RNF216: variants seen among roughly 807,000 people sequenced by gnomAD.
RNF216 encodes E3 ubiquitin-protein ligase RNF216.
In RNF216, 72 loss-of-function variants were observed where a neutral mutation model predicts 110.8. That is an observed-to-expected ratio of 0.65 (90% confidence interval 0.54 to 0.79). RNF216 has a LOEUF of 0.79. Among genes scored for constraint, RNF216 ranks in the 30% least tolerant of loss-of-function variants. RNF216 has a pLI of 0.00. For synonymous variants in RNF216, 495 were observed against 407.5 expected (o/e 1.21, Z -2.59); for missense variants, 1,342 against 1,141.2 (o/e 1.18, Z -2.54).
At chr7:5,743,850 A>G (rs527908765) in intron 3 of RNF216, among the ~76,000 whole-genome samples, 1 of 152,302 alleles carries the variant, frequency 6.6e-6, no homozygotes, top group East Asian at 1.9e-4. Flanking sequence ...CCAGGAACTG[A>G]ATCGCAGCGT....
At chr7:5,769,670 G>A (rs1796391382) in intron 1 of RNF216, among the ~76,000 whole-genome samples, 1 of 151,896 alleles carries the variant, frequency 6.6e-6, no homozygotes, top group African/African-American at 2.4e-5. Flanking sequence ...GTTGCAGTAA[G>A]CTAAGATCAC....
intron 13 of RNF216, among the ~76,000 whole-genome samples, chr7:5,693,747 C>T (rs1395695460): frequency 6.6e-6 from 1 of 152,112 alleles, no homozygotes; most frequent in Non-Finnish European, 1.5e-5. Context: ...CTGCCTGAAG[C>T]ATACTGTGAC....
In RNF216 at chr7:5,721,315, T is replaced by C. The variant is rs1793412491; in HGVS notation, c.1505-143A>G. 1.7e-5 allele frequency: 12 copies of C among 726,916 alleles called. No homozygotes were observed. The South Asian group carries it at 2.4e-4, about 14-fold the overall frequency. 45.0% of individuals were successfully genotyped at this position (726,916 alleles called of 1,614,324 possible). A position where few individuals can be genotyped will look rare whatever the true frequency, so the allele number is the denominator to read the frequency against. On this transcript the variant is annotated intron_variant, in intron 8 of 16. Coordinates refer to ENST00000389902, the MANE Select transcript of RNF216 (RefSeq NM_207111.4). The stretch of plus-strand genomic sequence containing the variant: ...GACTTTTCTATCACATTCTACCATT[T>C]GGGAAGACTGGGCTTCTTACCATTA...
At chr7:5,668,785 G>A (rs547653476) in intron 13 of RNF216, among the ~76,000 whole-genome samples, 47 of 152,226 alleles carry the variant, frequency 3.1e-4, no homozygotes, top group Non-Finnish European at 5.4e-4. Context: ...CCCTTCCAGG[G>A]CTTCATGCCC....
chr7:5,687,766 G>C (rs1439439209), intron 13 of RNF216, among the ~76,000 whole-genome samples: 1 of 152,188 alleles, frequency 6.6e-6, no homozygotes, highest in Admixed American at 6.5e-5. Flanking sequence ...GAATCCACTA[G>C]CATTTCCAAG....
intron 1 of RNF216, among the ~76,000 whole-genome samples, 152 bp downstream of exon 1, chr7:5,781,389 C>G (rs1797081982): frequency 6.6e-6 from 1 of 151,892 alleles, no homozygotes; most frequent in Admixed American, 6.6e-5. Flanking sequence ...CGATCCCGCC[C>G]GGGCCTCGGC....
intron 13 of RNF216, among the ~76,000 whole-genome samples, chr7:5,704,042 A>G (rs1415761277): frequency 6.6e-6 from 1 of 152,200 alleles, no homozygotes; most frequent in Admixed American, 6.5e-5. Flanking sequence ...AAACAAACTA[A>G]TGAATTCTTT....
chr7:5,729,098 G>T (rs530430658), intron 7 of RNF216, among the ~76,000 whole-genome samples: 2 of 152,194 alleles, frequency 1.3e-5, no homozygotes, highest in Non-Finnish European at 2.9e-5. Context: ...CCACCTGGGG[G>T]ATGGATGGTC....
chr7:5,679,654 A>G (rs567918073), intron 13 of RNF216, among the ~76,000 whole-genome samples: 2 of 152,234 alleles, frequency 1.3e-5, no homozygotes, highest in Non-Finnish European at 2.9e-5. Context: ...AAACCACTGA[A>G]ATCGAGAGAA....
At chr7:5,700,115 GGT>G (rs1554254348) in intron 13 of RNF216, among the ~76,000 whole-genome samples, 1 of 152,140 alleles carries the variant, frequency 6.6e-6, no homozygotes, top group Non-Finnish European at 1.5e-5. Flanking sequence ...GGGGACAGGG[GGT>G]GTTTTCATGC....
chr7:5,692,488 C>T (rs1304271927), intron 13 of RNF216, among the ~76,000 whole-genome samples: 1 of 152,274 alleles, frequency 6.6e-6, no homozygotes, highest in South Asian at 2.1e-4. Flanking sequence ...TACTAATTCC[C>T]GCGGGGCCCT....
rs973001636 is a variant in RNF216 at position 5,641,244 on chromosome 7, A to G, written c.2292T>C (p.Ile764=). ...AQMCYLCRVS[I]NGYDHFCQHP... ...GTTGGCAGAAATGGTCATATCCATT[A>G]ATAGAAACTCGACAGAGGTAGCACA... Residue 764 remains isoleucine (I), a synonymous_variant, in exon 15 of 17, where the codon ATT becomes ATC. Coordinates refer to ENST00000389902, the MANE Select transcript of RNF216 (RefSeq NM_207111.4). 1.1e-5 allele frequency: 18 copies of G among 1,614,206 alleles called. No homozygotes were observed. Among genetic ancestry groups the G allele is most frequent in the Non-Finnish European group, 1.5e-5 (18 of 1,180,044 alleles).
chr7:5,685,342 C>T (rs1584448655), intron 13 of RNF216, among the ~76,000 whole-genome samples: 1 of 152,150 alleles, frequency 6.6e-6, no homozygotes, highest in Non-Finnish European at 1.5e-5. Flanking sequence ...TGTCAGGAGG[C>T]CCCTTTCTGG....
At chr7:5,765,574 G>GTGCCACCATCATGCCACTGCACTC (rs1399978748) in intron 1 of RNF216, among the ~76,000 whole-genome samples, 80 of 151,988 alleles carry the variant, frequency 5.3e-4, no homozygotes, top group African/African-American at 1.6e-3. Flanking sequence ...ACACTGCAGT[G>GTGCCACCATCATGCCACTGCACTC]TGCCACCATC....
rs1169558573 is a variant in RNF216 at position 5,714,182 on chromosome 7, C to T, written c.1833+871G>A. On this transcript the variant is annotated intron_variant, in intron 11 of 16. Coordinates refer to ENST00000389902, the MANE Select transcript of RNF216 (RefSeq NM_207111.4). ...TTCACCATGTTGGCCAGGCTAGTCT[C>T]GAACTCCTAATCTTGTGATCCACCC... Among the ~76,000 whole-genome samples the T allele has an allele frequency of 1.3e-5, 2 of 151,906 alleles. 1 individual carries two copies. Among genetic ancestry groups the T allele is most frequent in the Non-Finnish European group, 2.9e-5 (2 of 67,960 alleles).
intron 1 of RNF216, among the ~76,000 whole-genome samples, chr7:5,770,580 G>GT (rs1381615326): frequency 6.6e-6 from 1 of 152,014 alleles, no homozygotes; most frequent in African/African-American, 2.4e-5. Flanking sequence ...AAATTGATGT[G>GT]TAGATTTAAT....
intron 2 of RNF216, among the ~76,000 whole-genome samples, chr7:5,754,863 A>G (rs965317257): frequency 6.6e-6 from 1 of 151,998 alleles, no homozygotes; most frequent in East Asian, 1.9e-4. Context: ...CCCCATCTCT[A>G]CTACAAATAC....
intron 9 of RNF216, 128 bp downstream of exon 9, chr7:5,720,905 T>A: frequency 1.2e-6 from 1 of 854,942 alleles, no homozygotes; most frequent in East Asian, 2.5e-5. Flanking sequence ...TTTAAAAACT[T>A]TGCATATATC....
intron 14 of RNF216, among the ~76,000 whole-genome samples, chr7:5,643,035 C>T (rs188207418): frequency 3.3e-5 from 5 of 152,082 alleles, no homozygotes; most frequent in African/African-American, 1.2e-4. Context: ...CTTGCTCATC[C>T]GATCTGTCTG....
Sources: allele counts gnomAD v4.1 joint callset (sites outside exome capture counted in the v4.1 genomes callset), GRCh38; gene constraint gnomAD v4.1.1; transcripts MANE v1.5; gene names NCBI Gene and HGNC (gene_info 2026-07-23, HGNC 2026-07-21).